ANGEL2: variants seen among roughly 807,000 people sequenced by gnomAD.
ANGEL2 encodes RNA 2',3'-cyclic phosphatase ANGEL2.
Under a neutral mutation model 66.0 loss-of-function variants are expected in ANGEL2, and 41 were observed. The ratio of observed to expected loss-of-function variants is 0.62; its 90% CI spans 0.48 to 0.81. The LOEUF (loss-of-function observed/expected upper bound fraction) is 0.81. Ranked by LOEUF, ANGEL2 falls within the 30% of genes least tolerant of loss-of-function variation. ANGEL2 has a pLI of 0.00. For synonymous variants in ANGEL2, 208 were observed against 226.5 expected, an observed-to-expected ratio of 0.92 and a Z score of 0.73; for missense variants, 561 against 641.6, an observed-to-expected ratio of 0.87 and a Z score of 1.36.
intron 2 of ANGEL2, chr1:213,011,500 C>A: frequency 2.8e-6 from 3 of 1,069,856 alleles, no homozygotes; most frequent in Non-Finnish European, 3.4e-6. Flanking sequence ...TGTAATCAAG[C>A]TTTATCAGTA....
At chr1:213,015,407 C>T (rs1364159825) in intron 1 of ANGEL2, 2 of 1,425,810 alleles carry the variant, frequency 1.4e-6, no homozygotes, top group Non-Finnish European at 1.8e-6. Context: ...CCTCGTTGGC[C>T]CAGCGTCCCG....
chr1:212,998,161 C>T (rs536434501), intron 7 of ANGEL2, among the ~76,000 whole-genome samples: 17 of 150,664 alleles, frequency 1.1e-4, no homozygotes, highest in East Asian at 3.9e-4. Flanking sequence ...GAAGCCAAGG[C>T]GGGAAGATTG....
chr1:213,005,876 G>A (rs2076311052), intron 4 of ANGEL2, among the ~76,000 whole-genome samples: 1 of 151,916 alleles, frequency 6.6e-6, no homozygotes, highest in Non-Finnish European at 1.5e-5. Flanking sequence ...TATTTCTGTT[G>A]CCTAGAATGT....
chr1:212,996,068 G>A (rs1483336298), intron 8 of ANGEL2, among the ~76,000 whole-genome samples: 1 of 152,202 alleles, frequency 6.6e-6, no homozygotes, highest in Non-Finnish European at 1.5e-5. Context: ...AGCACTTTGG[G>A]AGGCCGAGGC....
chr1:213,007,263 T>C lies in ANGEL2; in HGVS notation c.643-65A>G, dbSNP rs1349605720. On this transcript the variant is annotated intron_variant, in intron 3 of 8. Transcript: ENST00000366962. Reference sequence around the variant, plus strand: ...GCAATCATGAATTTCCTGGTGCTTTTATCTTAAAATATCTAAAAGCAGGCT... The same window carrying C: ...GCAATCATGAATTTCCTGGTGCTTTCATCTTAAAATATCTAAAAGCAGGCT... The C allele has an allele frequency of 1.3e-5, 15 of 1,193,470 alleles. No individual in the cohort carries two copies. In the East Asian group the frequency reaches 2.9e-4, roughly 23 times the overall value. The allele number at this position is 1,193,470 out of a possible 1,614,324, so 73.9% of individuals were successfully genotyped here.
chr1:213,005,104 C>G lies in ANGEL2; in HGVS notation c.1063G>C (p.Val355Leu). 1 of 1,612,396 alleles carries G rather than the reference C, an allele frequency of 6.2e-7. No individual in the cohort carries two copies. Among genetic ancestry groups the G allele is most frequent in the Non-Finnish European group, 8.5e-7 (1 of 1,179,522 alleles). ...PIVMCGDFNS[V>L]PGSPLYSFIK... ...AAACTATATAGTGGAGAACCAGGAA[C>G]AGAATTAAAGTCACCACACATAACA... Residue 355 changes from valine to leucine, a missense_variant, in exon 5 of 9, where the codon GTT becomes CTT. Transcript: ENST00000366962.
In ANGEL2 at chr1:212,998,480, T is replaced by C. The variant is rs371456653; in HGVS notation, c.1320-1162A>G. ...TCAGTTTACAGATATAAGCTATGCA[T>C]ATAAACACTCTGTATTTACATAAAG... On this transcript the variant is annotated intron_variant, in intron 7 of 8. Transcript: ENST00000366962. 5.7e-4 allele frequency among the ~76,000 whole-genome samples: 87 copies of C among 151,802 alleles called. 2 individuals are homozygous for C. Among genetic ancestry groups the C allele is most frequent in the South Asian group, 1.2e-3 (6 of 4,810 alleles).
At chr1:212,999,917 A>G (rs1050600408) in intron 7 of ANGEL2, among the ~76,000 whole-genome samples, 1 of 152,254 alleles carries the variant, frequency 6.6e-6, no homozygotes, top group African/African-American at 2.4e-5. Context: ...GAGATCTGAA[A>G]GATATTTTTA....
At chr1:212,996,089 T>C (rs779001777) in intron 8 of ANGEL2, among the ~76,000 whole-genome samples, 3 of 151,872 alleles carry the variant, frequency 2.0e-5, no homozygotes, top group East Asian at 1.9e-4. Context: ...AGGCAGATCA[T>C]GAGGTCAGGA....
chr1:213,003,150 G>T (rs1196584745), intron 5 of ANGEL2, among the ~76,000 whole-genome samples: 1 of 152,170 alleles, frequency 6.6e-6, no homozygotes, highest in African/African-American at 2.4e-5. Flanking sequence ...AAATTGAAGA[G>T]ACTTAATGCA....
chr1:213,000,235 C>G, intron 7 of ANGEL2, 91 bp downstream of exon 7: 1 of 1,254,872 alleles, frequency 8.0e-7, no homozygotes, highest in Non-Finnish European at 1.2e-6. Context: ...AATACTATCA[C>G]CTTCATTTTT....
intron 7 of ANGEL2, among the ~76,000 whole-genome samples, chr1:212,999,557 A>G (rs1027651441): frequency 1.3e-5 from 2 of 152,236 alleles, no homozygotes; most frequent in African/African-American, 2.4e-5. Context: ...AAGATTGAGA[A>G]GCAGATAAAA....
At chr1:213,006,722 T>C (rs1421752108) in intron 4 of ANGEL2, 1 of 168,042 alleles carries the variant, frequency 6.0e-6, no homozygotes, top group African/African-American at 2.4e-5. Flanking sequence ...AAGATATTCT[T>C]ACACATCTTT....
At chr1:213,010,429 G>T (rs200108630) in intron 2 of ANGEL2, among the ~76,000 whole-genome samples, 7 of 151,964 alleles carry the variant, frequency 4.6e-5, no homozygotes, top group Non-Finnish European at 1.0e-4. Context: ...AAATTTAGCC[G>T]GGCGTGGTGG....
At chr1:213,002,431 T>C (rs189475187) in intron 5 of ANGEL2, among the ~76,000 whole-genome samples, 30 of 152,300 alleles carry the variant, frequency 2.0e-4, no homozygotes, top group African/African-American at 7.0e-4. Flanking sequence ...GTAGAGTGGA[T>C]TTAGCATAAT....
intron 4 of ANGEL2, 71 bp downstream of exon 4, chr1:213,007,058 C>T (rs780657510): frequency 2.9e-6 from 4 of 1,402,980 alleles, no homozygotes; most frequent in African/African-American, 2.9e-5. Flanking sequence ...TGTGCCACTG[C>T]ACTCCAGTTG....
chr1:212,999,499 GTTC>G (rs1222573293), intron 7 of ANGEL2, among the ~76,000 whole-genome samples: 1 of 151,900 alleles, frequency 6.6e-6, no homozygotes, highest in Non-Finnish European at 1.5e-5. Context: ...ATTCTTACTA[GTTC>G]TTATTTATGT....
chr1:212,997,410 C>T (rs1179142112), intron 7 of ANGEL2, 92 bp from the exon 8 acceptor site: 1 of 1,122,634 alleles, frequency 8.9e-7, no homozygotes, highest in East Asian at 2.4e-5. Context: ...AATTTCTAGA[C>T]TAAGACCAAA....
intron 1 of ANGEL2, among the ~76,000 whole-genome samples, chr1:213,014,323 C>G (rs1246145631): frequency 6.6e-6 from 1 of 152,206 alleles, no homozygotes; most frequent in Non-Finnish European, 1.5e-5. Flanking sequence ...GCTCCCATCC[C>G]TAAGGGAATT....
Sources: gnomAD v4.1 joint callset for allele counts (sites outside exome capture counted in the v4.1 genomes callset) on GRCh38, gnomAD v4.1.1 for gene constraint, MANE v1.5 for transcripts, NCBI Gene and HGNC (gene_info 2026-07-23, HGNC 2026-07-21) for gene names.